GALNT7: variants seen among roughly 807,000 people sequenced by gnomAD.
GALNT7 encodes N-acetylgalactosaminyltransferase 7.
Under a neutral mutation model 82.1 loss-of-function variants are expected in GALNT7, and 60 were observed. The ratio of observed to expected loss-of-function variants is 0.73; its 90% confidence interval spans 0.59 to 0.91. The LOEUF is 0.91. GALNT7 is among the 40% of genes least tolerant of loss of function. The pLI, the probability that GALNT7 is intolerant of heterozygous loss-of-function variation, is 0.00. For missense variants in GALNT7, 660 were observed against 804.2 expected (o/e 0.82, Z 2.17); for synonymous variants, 243 against 275.1 (o/e 0.88, Z 1.15).
intron 2 of GALNT7, among the ~76,000 whole-genome samples, chr4:173,277,371 A>C (rs1343556001): frequency 6.6e-6 from 1 of 152,202 alleles, no homozygotes; most frequent in East Asian, 1.9e-4. Context: ...ATGAATTCTC[A>C]TCTCTACTTC....
At chr4:173,240,185 G>T (rs1734374908) in intron 1 of GALNT7, among the ~76,000 whole-genome samples, 1 of 152,042 alleles carries the variant, frequency 6.6e-6, no homozygotes, top group South Asian at 2.1e-4. Flanking sequence ...TAAAATAAAG[G>T]TAATATTTCT....
chr4:173,212,983 GA>G (rs1047839991), intron 1 of GALNT7, among the ~76,000 whole-genome samples: 3 of 150,760 alleles, frequency 2.0e-5, no homozygotes, highest in Admixed American at 6.6e-5. Context: ...CTCACTTCAT[GA>G]AAAAAAAATC....
intron 2 of GALNT7, among the ~76,000 whole-genome samples, chr4:173,288,846 C>CAA (rs1736434548): frequency 6.6e-6 from 1 of 151,876 alleles, no homozygotes; most frequent in Admixed American, 6.6e-5. Context: ...ACAAACACAA[C>CAA]AACTCTTTGT....
At chr4:173,204,209 C>T (rs1264794558) in intron 1 of GALNT7, among the ~76,000 whole-genome samples, 1 of 152,162 alleles carries the variant, frequency 6.6e-6, no homozygotes, top group Non-Finnish European at 1.5e-5. Context: ...GCCAGTCTTT[C>T]TGGAACTCCC....
chr4:173,259,223 A>G (rs1266631107), intron 2 of GALNT7, among the ~76,000 whole-genome samples: 1 of 152,212 alleles, frequency 6.6e-6, no homozygotes, highest in African/African-American at 2.4e-5. Flanking sequence ...TTATAGGATT[A>G]AGGGGAAGAA....
chr4:173,254,547 C>T (rs1734957801), intron 2 of GALNT7, among the ~76,000 whole-genome samples: 5 of 152,134 alleles, frequency 3.3e-5, no homozygotes, highest in Admixed American at 2.0e-4. Context: ...ACTCATAAAA[C>T]ATTAAGACAA....
intron 1 of GALNT7, among the ~76,000 whole-genome samples, chr4:173,186,344 AATGCT>A (rs1314201552): frequency 6.6e-6 from 1 of 152,240 alleles, no homozygotes; most frequent in Non-Finnish European, 1.5e-5. Flanking sequence ...CATGGGTTAA[AATGCT>A]GGTGCAATCA....
intron 1 of GALNT7, among the ~76,000 whole-genome samples, chr4:173,180,301 A>G (rs968860229): frequency 1.8e-4 from 27 of 150,362 alleles, no homozygotes; most frequent in Admixed American, 1.5e-3. Flanking sequence ...TTTACCATGC[A>G]ATATATTTCA....
chr4:173,294,345 G>A (rs112631756), intron 3 of GALNT7, among the ~76,000 whole-genome samples: 1,726 of 151,348 alleles, frequency 0.011, 46 homozygotes, highest in African/African-American at 0.039. Context: ...TTAAGCACGA[G>A]AATTTTATTT....
chr4:173,182,692 A>G (rs1275797484), intron 1 of GALNT7, among the ~76,000 whole-genome samples: 1 of 140,760 alleles, frequency 7.1e-6, no homozygotes, highest in African/African-American at 2.8e-5. Context: ...ACACACACAC[A>G]CACAGCGTGT....
chr4:173,223,817 G>C (rs985053550), intron 1 of GALNT7, among the ~76,000 whole-genome samples: 1 of 152,074 alleles, frequency 6.6e-6, no homozygotes, highest in African/African-American at 2.4e-5. Flanking sequence ...CCCTCTGTGT[G>C]TATATACATA....
intron 8 of GALNT7, among the ~76,000 whole-genome samples, chr4:173,311,179 G>A (rs1023795194): frequency 4.6e-5 from 7 of 152,088 alleles, no homozygotes; most frequent in African/African-American, 9.7e-5. Flanking sequence ...CCACTCCTTC[G>A]AGATGGGGCA....
chr4:173,322,875 TAA>T lies in GALNT7; in HGVS notation c.*1162_*1163del. ...TAAAATTTAAAAACAAAGGACTATT[TAA>T]AAATACAGTTTATTAACAAACGTGA... On this transcript the variant is annotated 3_prime_UTR_variant, in exon 12 of 12. Transcript: ENST00000265000. 1 of 152,330 alleles carries T rather than the reference TAA, an allele frequency of 6.6e-6. No individual in the cohort carries two copies. Among genetic ancestry groups the T allele is most frequent in the Non-Finnish European group, 1.5e-5 (1 of 68,006 alleles). 9.4% of individuals were successfully genotyped at this position (152,330 alleles called of 1,614,324 possible). A position where few individuals can be genotyped will look rare whatever the true frequency, so the allele number is the denominator to read the frequency against.
intron 1 of GALNT7, among the ~76,000 whole-genome samples, chr4:173,178,052 T>TGTGTGTGTGTGTGCGTGCGCGC (rs563102408): frequency 3.1e-5 from 4 of 129,510 alleles, no homozygotes; most frequent in Non-Finnish European, 6.4e-5. Context: ...TGTGTGTGTG[T>TGTGTGTGTGTGTGCGTGCGCGC]GCGCGCACGC....
chr4:173,291,038 A>G (rs368759710), intron 2 of GALNT7, among the ~76,000 whole-genome samples: 4 of 152,170 alleles, frequency 2.6e-5, no homozygotes, highest in East Asian at 1.9e-4. Context: ...CAAAGTTTCT[A>G]TCTTGCCCTT....
chr4:173,271,701 C>T (rs1168675894), intron 2 of GALNT7, among the ~76,000 whole-genome samples: 5 of 152,108 alleles, frequency 3.3e-5, no homozygotes, highest in African/African-American at 1.2e-4. Context: ...AGGTGATCCA[C>T]CCACCTCAAC....
intron 1 of GALNT7, among the ~76,000 whole-genome samples, chr4:173,183,417 T>C (rs1384717501): frequency 6.6e-6 from 1 of 152,144 alleles, no homozygotes; most frequent in East Asian, 1.9e-4. Context: ...GATTGGGTTT[T>C]CTGGCACAAG....
At chr4:173,208,276 C>T (rs760370011) in intron 1 of GALNT7, among the ~76,000 whole-genome samples, 23 of 152,180 alleles carry the variant, frequency 1.5e-4, no homozygotes, top group Non-Finnish European at 3.1e-4. Flanking sequence ...AGAAAATATA[C>T]AATTCTTTAT....
At chr4:173,262,788 G>A (rs1735326275) in intron 2 of GALNT7, among the ~76,000 whole-genome samples, 1 of 152,092 alleles carries the variant, frequency 6.6e-6, no homozygotes, top group South Asian at 2.1e-4. Context: ...TCTAATAGAA[G>A]TCTTTCATGC....
Sources: gnomAD v4.1 joint callset for allele counts (sites outside exome capture counted in the v4.1 genomes callset) on GRCh38, gnomAD v4.1.1 for gene constraint, MANE v1.5 for transcripts, NCBI Gene and HGNC (gene_info 2026-07-23, HGNC 2026-07-21) for gene names.